FNBP1: variants seen among roughly 807,000 people sequenced by gnomAD.
FNBP1 encodes formin binding protein 1, also known as formin-binding protein 1.
In FNBP1, 26 loss-of-function variants were observed where a neutral mutation model predicts 90.6. The ratio of observed to expected loss-of-function variants is 0.29; its 90% CI spans 0.21 to 0.40. The LOEUF (loss-of-function observed/expected upper bound fraction) is 0.40. FNBP1 is among the 10% of genes least tolerant of loss of function. The probability of loss-of-function intolerance (pLI) is 1.00; values close to 1 mark genes in which losing one functional copy is unlikely to be tolerated. For missense variants in FNBP1, 635 were observed against 768.0 expected (o/e 0.83, Z 2.05); for synonymous variants, 260 against 265.2 (o/e 0.98, Z 0.19).
chr9:129,907,819 C>T (rs1453895162), intron 12 of FNBP1, among the ~76,000 whole-genome samples: 1 of 152,086 alleles, frequency 6.6e-6, no homozygotes, highest in Non-Finnish European at 1.5e-5. Context: ...AGCTCCGCCT[C>T]CCGGGTTCAT....
chr9:130,023,671 ACTCAC>A (rs1278360469), intron 1 of FNBP1, among the ~76,000 whole-genome samples: 53 of 150,394 alleles, frequency 3.5e-4, no homozygotes, highest in African/African-American at 1.2e-3. Context: ...TCTGAGCCCC[ACTCAC>A]TCCATGTTAG....
chr9:130,048,890 C>T, the FNBP1 span, among the ~76,000 whole-genome samples: 2 of 151,682 alleles, frequency 1.3e-5, no homozygotes, highest in African/African-American at 4.9e-5. Flanking sequence ...AAGCCATTCT[C>T]CTGCCTCAGC....
intron 1 of FNBP1, among the ~76,000 whole-genome samples, chr9:129,996,268 G>C (rs1329965369): frequency 6.6e-6 from 1 of 152,174 alleles, no homozygotes; most frequent in Non-Finnish European, 1.5e-5. Flanking sequence ...CCGAGGATCA[G>C]AACACCAAAG....
chr9:129,927,092 C>T, intron 8 of FNBP1, 103 bp downstream of exon 8: 1 of 1,192,230 alleles, frequency 8.4e-7, no homozygotes, highest in Non-Finnish European at 1.2e-6. Context: ...CCAAAAGCAA[C>T]CATCCACCAT....
chr9:129,888,565 C>A lies in FNBP1; in HGVS notation c.*1974G>T, dbSNP rs569150268. On this transcript the variant is annotated 3_prime_UTR_variant, in exon 17 of 17. Coordinates refer to ENST00000446176, the MANE Select transcript of FNBP1 (RefSeq NM_015033.3). ...ACGCTTAGGTCACCCGTTGCAGGGA[C>A]CGGAAGTCCATGGCTCTGCCGCAAC... 3 of 233,042 alleles carry A rather than the reference C, an allele frequency of 1.3e-5. No homozygotes were observed. The highest frequency in any genetic ancestry group is 4.4e-5 in the African/African-American group (2 of 45,454). The allele number at this position is 233,042 out of a possible 1,614,324, so 14.4% of individuals were successfully genotyped here. A position where few individuals can be genotyped will look rare whatever the true frequency, so the allele number is the denominator to read the frequency against.
chr9:129,912,815 A>G (rs2039565248), intron 11 of FNBP1, among the ~76,000 whole-genome samples: 1 of 152,230 alleles, frequency 6.6e-6, no homozygotes, highest in East Asian at 1.9e-4. Flanking sequence ...GCAATGTTCT[A>G]TGGCCGCTCT....
At chr9:129,928,295 T>A (rs187575530) in intron 7 of FNBP1, among the ~76,000 whole-genome samples, 443 of 152,348 alleles carry the variant, frequency 2.9e-3, no homozygotes, top group Middle Eastern at 0.017. Context: ...TTGACTTCTA[T>A]AGTTAAGTTG....
intron 6 of FNBP1, among the ~76,000 whole-genome samples, chr9:129,931,191 G>A (rs1187721681): frequency 2.6e-5 from 4 of 152,138 alleles, no homozygotes; most frequent in Non-Finnish European, 5.9e-5. Flanking sequence ...AGTTACTCAG[G>A]AGGCTGAGGC....
At chr9:129,997,267 G>A (rs773849918) in intron 1 of FNBP1, among the ~76,000 whole-genome samples, 1 of 152,120 alleles carries the variant, frequency 6.6e-6, no homozygotes, top group African/African-American at 2.4e-5. Context: ...GGCAGAGGTT[G>A]CAGTGAGTCA....
At chr9:129,936,833 G>A (rs1168408357) in intron 6 of FNBP1, among the ~76,000 whole-genome samples, 1 of 152,086 alleles carries the variant, frequency 6.6e-6, no homozygotes, top group Non-Finnish European at 1.5e-5. Context: ...GGAAATCCCT[G>A]AAAATCCTAT....
At chr9:129,896,267 T>C (rs567338325) in intron 15 of FNBP1, among the ~76,000 whole-genome samples, 2 of 152,332 alleles carry the variant, frequency 1.3e-5, no homozygotes, top group Non-Finnish European at 2.9e-5. Context: ...GAATGGTAAG[T>C]ATTTCTCACT....
rs2034952009 is a variant in FNBP1, at chr9:129,889,772, G to A, written c.*767C>T. The A allele has an allele frequency of 8.6e-6, 2 of 232,238 alleles. No homozygotes were observed. Among genetic ancestry groups the A allele is most frequent in the Non-Finnish European group, 1.7e-5 (2 of 117,512 alleles). 14.4% of individuals were successfully genotyped at this position (232,238 alleles called of 1,614,324 possible). On this transcript the variant is annotated 3_prime_UTR_variant, in exon 17 of 17. Transcript: ENST00000446176. ...AGGCGTGGGCTCCTCATGGCCGGTG[G>A]ACACAGGCGAGTCAACAAGGCGAGC...
intron 2 of FNBP1, among the ~76,000 whole-genome samples, chr9:129,987,207 G>T (rs1589093214): frequency 1.3e-5 from 2 of 152,138 alleles, no homozygotes; most frequent in Middle Eastern, 6.8e-3. Context: ...GCATTTTCAA[G>T]CAAGAAAGAA....
At chr9:129,906,637 T>C (rs2038111472) in intron 12 of FNBP1, among the ~76,000 whole-genome samples, 1 of 152,218 alleles carries the variant, frequency 6.6e-6, no homozygotes. Flanking sequence ...AAACCTCTTT[T>C]TCTTTATAAA....
chr9:129,889,216 G>A lies in FNBP1; in HGVS notation c.*1323C>T, dbSNP rs2034916995. The stretch of plus-strand genomic sequence containing the variant: ...CTGAAGAGCACGTGATAAAATACAA[G>A]GGTGGTGGCGGCGGGATCCCTCAAA... On this transcript the variant is annotated 3_prime_UTR_variant, in exon 17 of 17. Coordinates refer to ENST00000446176, the MANE Select transcript of FNBP1 (RefSeq NM_015033.3). 5.0e-6 allele frequency: 1 copy of A among 201,602 alleles called. No homozygotes were observed. Among genetic ancestry groups the A allele is most frequent in the Non-Finnish European group, 1.0e-5 (1 of 97,706 alleles). The allele number at this position is 201,602 out of a possible 1,614,324, so 12.5% of individuals were successfully genotyped here.
At chr9:130,012,814 T>C (rs1470356142) in intron 1 of FNBP1, among the ~76,000 whole-genome samples, 1 of 152,110 alleles carries the variant, frequency 6.6e-6, no homozygotes, top group Non-Finnish European at 1.5e-5. Flanking sequence ...TAATTTTTTG[T>C]ATTTTTAGTG....
At chr9:130,004,917 T>C (rs2055428823) in intron 1 of FNBP1, among the ~76,000 whole-genome samples, 1 of 151,858 alleles carries the variant, frequency 6.6e-6, no homozygotes, top group South Asian at 2.1e-4. Context: ...AACACAAAAA[T>C]TAGCCATGCA....
chr9:129,957,370 T>A lies in FNBP1; in HGVS notation c.503A>T (p.Asp168Val). The A allele has an allele frequency of 6.2e-7, 1 of 1,612,034 alleles. No homozygotes were observed. The highest frequency in any genetic ancestry group is 1.1e-5 in the South Asian group (1 of 90,968). ...GAGCTTTCACCTCACCTTTTCAACA[T>A]CCGCTTTTGTGACATTGATGTCAGC... ...MDADINVTKA[D>V]VEKARQQAQI... The change falls in exon 6 of 17, where the codon GAT (aspartate) becomes GTT (valine). Residue 168 changes from aspartate (D) to valine (V), a missense_variant. By Grantham distance (152) the Asp-to-Val change is radical. Transcript: ENST00000446176. This position sits in a 1 kb window ranked among gnomAD's most constrained non-coding sequence, Gnocchi z 4.3.
intron 1 of FNBP1, among the ~76,000 whole-genome samples, chr9:129,996,466 T>C (rs1019533610): frequency 1.3e-5 from 2 of 152,312 alleles, no homozygotes; most frequent in South Asian, 2.1e-4. Context: ...ATGAGGGTTC[T>C]AGCCCCAGCA....
Sources: allele counts gnomAD v4.1 joint callset (sites outside exome capture counted in the v4.1 genomes callset), GRCh38; gene constraint gnomAD v4.1.1; non-coding constraint Gnocchi (gnomAD v3.1); transcripts MANE v1.5; gene names NCBI Gene and HGNC (gene_info 2026-07-23, HGNC 2026-07-21).